DYNC2H1: variants seen among roughly 807,000 people sequenced by gnomAD.
DYNC2H1 encodes the protein dynein cytoplasmic 2 heavy chain 1.
DYNC2H1 carries 410 observed loss-of-function variants against 570.0 expected under a neutral mutation model. The observed-to-expected ratio is 0.72, with a 90% CI of 0.66 to 0.78. DYNC2H1 has a LOEUF of 0.78. DYNC2H1 is among the 30% of genes least tolerant of loss of function. The pLI is 0.00. For missense variants in DYNC2H1, 4,865 were observed against 5,046.4 expected, an observed-to-expected ratio of 0.96 and a Z score of 1.09; for synonymous variants, 1,688 against 1,677.6, an observed-to-expected ratio of 1.01 and a Z score of -0.15.
At chr11:103,381,568 C>G (rs938148482) in intron 83 of DYNC2H1, among the ~76,000 whole-genome samples, 1 of 152,328 alleles carries the variant, frequency 6.6e-6, no homozygotes, top group South Asian at 2.1e-4. Context: ...TCTGCCTCAA[C>G]CTCCCGCGTA....
intron 84 of DYNC2H1, among the ~76,000 whole-genome samples, chr11:103,420,680 G>A (rs1441740399): frequency 1.3e-5 from 2 of 152,180 alleles, no homozygotes; most frequent in Non-Finnish European, 2.9e-5. Context: ...TAAATGCTGA[G>A]GGAATTGGTC....
At position 103,321,118 on chromosome 11, in the gene DYNC2H1, G is replaced by A; in HGVS notation, c.11815G>A (p.Val3939Ile). ...TATAGACAACTATTTTGACCTTAGA[G>A]TTCTTCAGTCATACCTGAAGCAGTT... The part of the protein sequence containing the change: ...GRIDNYFDLR[V>I]LQSYLKQFFN... Residue 3939 changes from valine (V) to isoleucine (I), a missense_variant, in exon 81 of 89, where the codon GTT (valine) becomes ATT (isoleucine). Transcript: ENST00000375735. 2 of 1,612,472 alleles carry A rather than the reference G, an allele frequency of 1.2e-6. No individual in the cohort carries two copies. The highest frequency in any genetic ancestry group is 1.7e-6 in the Non-Finnish European group (2 of 1,179,192).
At chr11:103,184,820 A>G in intron 40 of DYNC2H1, 76 bp from the exon 41 acceptor site, 1 of 1,471,164 alleles carries the variant, frequency 6.8e-7, no homozygotes, top group African/African-American at 1.4e-5. Flanking sequence ...GTATGTGAAC[A>G]TCAGTCTGTA....
intron 70 of DYNC2H1, among the ~76,000 whole-genome samples, chr11:103,263,904 A>C (rs1000155289): frequency 6.6e-6 from 1 of 152,206 alleles, no homozygotes; most frequent in Admixed American, 6.5e-5. Flanking sequence ...TCTTAAAAAA[A>C]TCAATGAATC....
At position 103,203,610 on chromosome 11, in the gene DYNC2H1, G is replaced by T; in HGVS notation, c.8198-53G>T. On this transcript the variant is annotated intron_variant, in intron 50 of 88. Coordinates refer to ENST00000375735, the MANE Select transcript of DYNC2H1 (RefSeq NM_001377.3). The surrounding 1 kb of genome is among the most constrained non-coding windows in gnomAD (Gnocchi z 4.7). ...GAGCAGATTTTTAAATACAAAAATT[G>T]AAAAAGCATCATTTATTAAAATGTT... 1 of 1,194,654 alleles carries T rather than the reference G, an allele frequency of 8.4e-7. No homozygotes were observed. The highest frequency in any genetic ancestry group is 1.2e-6 in the Non-Finnish European group (1 of 860,398). The allele number at this position is 1,194,654 out of a possible 1,614,324, so 74.0% of individuals were successfully genotyped here. A position where few individuals can be genotyped will look rare whatever the true frequency, so the allele number is the denominator to read the frequency against.
chr11:103,349,166 ATTCTT>A (rs1939913379), intron 82 of DYNC2H1, among the ~76,000 whole-genome samples: 1 of 152,164 alleles, frequency 6.6e-6, no homozygotes, highest in Non-Finnish European at 1.5e-5. Flanking sequence ...ATATGAACAT[ATTCTT>A]TTATTTCCCT....
chr11:103,269,300 G>A (rs1323362241), intron 70 of DYNC2H1, among the ~76,000 whole-genome samples: 1 of 152,118 alleles, frequency 6.6e-6, no homozygotes, highest in African/African-American at 2.4e-5. Context: ...AATTCAGAAA[G>A]CACATTAATC....
At position 103,234,144 on chromosome 11, in the gene DYNC2H1, A is replaced by C. The variant is rs1168119095; in HGVS notation, c.9551A>C (p.Lys3184Thr). 1 of 1,585,276 alleles carries C rather than the reference A, an allele frequency of 6.3e-7. No homozygotes were observed. The highest frequency in any genetic ancestry group is 1.3e-5 in the African/African-American group (1 of 74,496). ...VLINQLDREH[K>T]RWNAQVVEIT... ...ATTAATCAGCTTGACAGAGAACATA[A>C]GAGATGGAATGCACAGGTTTGTTTG... Residue 3184 changes from lysine (K) to threonine (T), a missense_variant, in exon 61 of 89, where the codon AAG becomes ACG. By Grantham distance (78) the Lys-to-Thr change is moderately conservative. Around this residue, in one of 5 missense-constraint regions of DYNC2H1, gnomAD observed 2,401 missense variants for 2,454.6 expected, o/e 0.98. Transcript: ENST00000375735.
At chr11:103,410,657 C>G (rs1054890027) in intron 84 of DYNC2H1, among the ~76,000 whole-genome samples, 3 of 152,032 alleles carry the variant, frequency 2.0e-5, no homozygotes, top group African/African-American at 7.2e-5. Flanking sequence ...TCTTAGCTGT[C>G]GTGTCTTCAG....
At chr11:103,200,276 G>C in intron 50 of DYNC2H1, 122 bp downstream of exon 50, 1 of 679,876 alleles carries the variant, frequency 1.5e-6, no homozygotes, top group Non-Finnish European at 2.5e-6. Context: ...TTACTTAGGA[G>C]ACATGGTGTT....
At chr11:103,448,612 CAG>C (rs919373333) in intron 85 of DYNC2H1, among the ~76,000 whole-genome samples, 1 of 152,102 alleles carries the variant, frequency 6.6e-6, no homozygotes, top group African/African-American at 2.4e-5. Context: ...GAGGGTAGGG[CAG>C]AGAGAGATTT....
rs688094 is a variant in DYNC2H1 at position 103,158,644 on chromosome 11, G to A, written c.4128-33G>A. 1,380,086 of 1,491,510 alleles carry A rather than the reference G, an allele frequency of 0.93. 639,238 individuals are homozygous for A. Among genetic ancestry groups the A allele is most frequent in the African/African-American group, 0.98 (69,466 of 70,688 alleles). The allele number at this position is 1,491,510 out of a possible 1,614,324, so 92.4% of individuals were successfully genotyped here. Reference sequence around the variant, plus strand: ...TTTCTTACCCCCCCAAATTGTTAAAGTAGATGTGAAGATACTTTTTTTTCT... The same window carrying A: ...TTTCTTACCCCCCCAAATTGTTAAAATAGATGTGAAGATACTTTTTTTTCT... On this transcript the variant is annotated intron_variant, in intron 26 of 88. Coordinates refer to ENST00000375735, the MANE Select transcript of DYNC2H1 (RefSeq NM_001377.3).
chr11:103,301,498 G>A (rs1463385974), intron 75 of DYNC2H1, among the ~76,000 whole-genome samples: 2 of 151,920 alleles, frequency 1.3e-5, no homozygotes, highest in African/African-American at 2.4e-5. Flanking sequence ...TTGCAAGTAT[G>A]TAAGAATTCT....
At chr11:103,386,489 A>C (rs2135593010) in intron 83 of DYNC2H1, among the ~76,000 whole-genome samples, 1 of 151,554 alleles carries the variant, frequency 6.6e-6, no homozygotes, top group Non-Finnish European at 1.5e-5. Context: ...GGGCTATCTT[A>C]TTGGCTTTCT....
intron 88 of DYNC2H1, among the ~76,000 whole-genome samples, chr11:103,469,249 C>CTTATTTA (rs1446816972): frequency 6.6e-6 from 1 of 152,148 alleles, no homozygotes; most frequent in Non-Finnish European, 1.5e-5. Flanking sequence ...ATCTTAAAGA[C>CTTATTTA]TTATTTAGTT....
At chr11:103,356,522 T>C (rs1010282650) in intron 82 of DYNC2H1, among the ~76,000 whole-genome samples, 3 of 150,748 alleles carry the variant, frequency 2.0e-5, no homozygotes, top group Admixed American at 6.6e-5. Flanking sequence ...GTCTTATTTG[T>C]TTTCTGTCAT....
chr11:103,241,866 AAAT>A lies in DYNC2H1; in HGVS notation c.9820-1815_9820-1813del, dbSNP rs71788058. On this transcript the variant is annotated intron_variant, in intron 63 of 88. Coordinates refer to ENST00000375735, the MANE Select transcript of DYNC2H1 (RefSeq NM_001377.3). The surrounding 1 kb of genome is among the most constrained non-coding windows in gnomAD (Gnocchi z 5.1). Reference sequence around the variant, plus strand: ...GGTACCTTGTCTGTGGACCATTTTAAAATAATAATAATAAAGCTGTTTTAAAGT... The same window carrying A: ...GGTACCTTGTCTGTGGACCATTTTAAAATAATAATAAAGCTGTTTTAAAGT... 0.18 allele frequency among the ~76,000 whole-genome samples: 26,615 copies of A among 151,788 alleles called. 2,958 individuals carry two copies. The highest frequency in any genetic ancestry group is 0.32 in the African/African-American group (13,246 of 41,308).
At position 103,248,122 on chromosome 11, in the gene DYNC2H1, G is replaced by A. The variant is rs186730147; in HGVS notation, c.10042+2748G>A. Among the ~76,000 whole-genome samples, 5 of 152,120 alleles carry A rather than the reference G, an allele frequency of 3.3e-5. No homozygotes were observed. In the East Asian group the frequency reaches 9.7e-4, roughly 29 times the overall value. ...TTTCTTTGTATTTAGTGGCTGTAAC[G>A]CAAGCAGTTGGTCTATAATGGGCTG... On this transcript the variant is annotated intron_variant, in intron 65 of 88. Coordinates refer to ENST00000375735, the MANE Select transcript of DYNC2H1 (RefSeq NM_001377.3).
rs1025620550 is a variant in DYNC2H1, at chr11:103,369,852, T to A, written c.12156+11493T>A. ...ACATTGAGGGCCTTGGGTGAGGTTC[T>A]GAGGCTTACTGGCTTCAGGTGAGAC... On this transcript the variant is annotated intron_variant, in intron 83 of 88. Coordinates refer to ENST00000375735, the MANE Select transcript of DYNC2H1 (RefSeq NM_001377.3). The surrounding 1 kb of genome is among the most constrained non-coding windows in gnomAD (Gnocchi z 4.0). Among the ~76,000 whole-genome samples, 1 of 152,230 alleles carries A rather than the reference T, an allele frequency of 6.6e-6. No homozygotes were observed. Among genetic ancestry groups the A allele is most frequent in the Non-Finnish European group, 1.5e-5 (1 of 68,036 alleles).
Sources: gnomAD v4.1 joint callset for allele counts (sites outside exome capture counted in the v4.1 genomes callset) on GRCh38, gnomAD v4.1.1 for gene constraint, gnomAD v4.1.1 regional missense constraint, Gnocchi (gnomAD v3.1) non-coding constraint, MANE v1.5 for transcripts, NCBI Gene and HGNC (gene_info 2026-07-23, HGNC 2026-07-21) for gene names.